Variants in EPHA6 observed in about 807,000 individuals in gnomAD.
The protein encoded by EPHA6 is EPH receptor A6, also known as ephrin type-A receptor 6.
In EPHA6, 50 loss-of-function variants were observed where a neutral mutation model predicts 112.0. The ratio of observed to expected loss-of-function variants is 0.45; its 90% CI spans 0.36 to 0.56. EPHA6 has a LOEUF of 0.56. Ranked by LOEUF, EPHA6 falls within the 20% of genes least tolerant of loss-of-function variation. EPHA6 has a pLI of 0.00. For missense variants in EPHA6, 1,280 were observed against 1,417.4 expected (o/e 0.90, Z 1.56); for synonymous variants, 529 against 490.7 (o/e 1.08, Z -1.03).
intron 12 of EPHA6, among the ~76,000 whole-genome samples, chr3:97,604,622 T>C (rs1309573400): frequency 1.3e-5 from 2 of 151,712 alleles, no homozygotes; most frequent in Admixed American, 1.3e-4. Context: ...TTGTGCTAAT[T>C]ATATATTTTC....
At chr3:97,286,190 A>G (rs1008774109) in intron 5 of EPHA6, among the ~76,000 whole-genome samples, 8 of 152,096 alleles carry the variant, frequency 5.3e-5, no homozygotes, top group Non-Finnish European at 1.2e-4. Flanking sequence ...CCCATTAAAC[A>G]GTTTGTCCCT....
intron 2 of EPHA6, among the ~76,000 whole-genome samples, chr3:96,966,065 A>C (rs1019801462): frequency 6.6e-6 from 1 of 152,152 alleles, no homozygotes; most frequent in Non-Finnish European, 1.5e-5. Context: ...CAGTAAGACA[A>C]TTATTAATTT....
chr3:97,486,229 CTT>C (rs1393566444), intron 10 of EPHA6, among the ~76,000 whole-genome samples: 1 of 152,124 alleles, frequency 6.6e-6, no homozygotes, highest in African/African-American at 2.4e-5. Flanking sequence ...ATTGGGGTCT[CTT>C]TTTAAATCTT....
intron 13 of EPHA6, among the ~76,000 whole-genome samples, chr3:97,632,409 G>A (rs2093911387): frequency 6.6e-6 from 1 of 151,952 alleles, no homozygotes; most frequent in Non-Finnish European, 1.5e-5. Flanking sequence ...TACATATTTG[G>A]TTTTAGCCAA....
chr3:97,635,832 A>G (rs1255651833), intron 13 of EPHA6, among the ~76,000 whole-genome samples: 1 of 152,152 alleles, frequency 6.6e-6, no homozygotes, highest in Non-Finnish European at 1.5e-5. Flanking sequence ...GTATTAAAAA[A>G]CAAATTGGTG....
chr3:97,064,250 G>A (rs1039773327), intron 3 of EPHA6, among the ~76,000 whole-genome samples: 1 of 152,068 alleles, frequency 6.6e-6, no homozygotes, highest in East Asian at 1.9e-4. Flanking sequence ...AACCATGTGT[G>A]ACAATATGAA....
At chr3:96,821,971 A>G (rs2033292496) in intron 1 of EPHA6, among the ~76,000 whole-genome samples, 2 of 151,964 alleles carry the variant, frequency 1.3e-5, no homozygotes, top group African/African-American at 4.8e-5. Context: ...TGGTTTCTAT[A>G]AGATGAAGAA....
intron 6 of EPHA6, chr3:97,439,767 T>C: frequency 3.1e-6 from 1 of 318,780 alleles, no homozygotes; most frequent in Non-Finnish European, 4.5e-6. Context: ...TGCTCTTGTT[T>C]CTGGGACAGT....
rs536196800 is a variant in EPHA6, at chr3:97,370,029, G to A, written c.1607-35121G>A. On this transcript the variant is annotated intron_variant, in intron 5 of 17. Coordinates refer to ENST00000389672, the MANE Select transcript of EPHA6 (RefSeq NM_001080448.3). ...TTGGAATTTAAAGAAAAGCATTAAT[G>A]TGATTGATCTACCTCTGCCCTACAA... 2.6e-5 allele frequency among the ~76,000 whole-genome samples: 4 copies of A among 152,268 alleles called. No individual in the cohort carries two copies. In the South Asian group the frequency reaches 8.3e-4, roughly 32 times the overall value.
intron 14 of EPHA6, among the ~76,000 whole-genome samples, chr3:97,649,451 A>C (rs901482635): frequency 1.3e-5 from 2 of 152,066 alleles, no homozygotes; most frequent in Non-Finnish European, 2.9e-5. Flanking sequence ...AAAAAGCTAC[A>C]TATAGCAGCA....
At chr3:96,834,270 T>C (rs1157143281) in intron 1 of EPHA6, among the ~76,000 whole-genome samples, 1 of 151,986 alleles carries the variant, frequency 6.6e-6, no homozygotes, top group African/African-American at 2.4e-5. Context: ...TGATTCTCAA[T>C]GCATAGTGAC....
At chr3:96,863,750 G>T (rs1178785311) in intron 1 of EPHA6, among the ~76,000 whole-genome samples, 1 of 151,864 alleles carries the variant, frequency 6.6e-6, no homozygotes, top group Non-Finnish European at 1.5e-5. Context: ...ATAATTAAAT[G>T]AATTAATGAA....
chr3:96,824,603 G>T (rs973263598), intron 1 of EPHA6, among the ~76,000 whole-genome samples: 2 of 151,938 alleles, frequency 1.3e-5, no homozygotes, highest in Admixed American at 1.3e-4. Flanking sequence ...CACAAAGGCA[G>T]GCCACTGCCC....
At chr3:96,886,422 T>C (rs1184891367) in intron 2 of EPHA6, among the ~76,000 whole-genome samples, 4 of 152,226 alleles carry the variant, frequency 2.6e-5, no homozygotes, top group Non-Finnish European at 5.9e-5. Flanking sequence ...TTTACCATTA[T>C]ATAATGTCCC....
intron 13 of EPHA6, among the ~76,000 whole-genome samples, chr3:97,635,425 CCAT>C (rs1408230733): frequency 6.6e-6 from 1 of 151,920 alleles, no homozygotes; most frequent in East Asian, 1.9e-4. Flanking sequence ...AGTCAAATAT[CCAT>C]CAACTGATGA....
chr3:97,376,050 G>T (rs2085331242), intron 5 of EPHA6, among the ~76,000 whole-genome samples: 1 of 152,040 alleles, frequency 6.6e-6, no homozygotes, highest in African/African-American at 2.4e-5. Context: ...AACATATGCA[G>T]TTGTACCATA....
At chr3:97,581,455 C>T (rs970060165) in intron 11 of EPHA6, among the ~76,000 whole-genome samples, 20 of 152,032 alleles carry the variant, frequency 1.3e-4, no homozygotes, top group Non-Finnish European at 2.5e-4. Flanking sequence ...TTCTATTGCA[C>T]GTATTAAAAT....
intron 4 of EPHA6, among the ~76,000 whole-genome samples, chr3:97,241,314 G>C (rs2078839245): frequency 6.6e-6 from 1 of 151,758 alleles, no homozygotes; most frequent in African/African-American, 2.4e-5. Context: ...TTTTTCTTAT[G>C]AAGTTAGTCT....
chr3:96,983,412 G>A (rs921240532), intron 2 of EPHA6, among the ~76,000 whole-genome samples: 29 of 152,120 alleles, frequency 1.9e-4, no homozygotes, highest in African/African-American at 3.1e-4. Context: ...GAGTTTCTGC[G>A]GAGAGATCAG....
Sources: allele counts gnomAD v4.1 joint callset (sites outside exome capture counted in the v4.1 genomes callset), GRCh38; gene constraint gnomAD v4.1.1; transcripts MANE v1.5; gene names NCBI Gene and HGNC (gene_info 2026-07-23, HGNC 2026-07-21).